The following GPHN variants were observed in gnomAD, a reference collection of about 807,000 sequenced individuals.
The protein encoded by GPHN is gephyrin.
A neutral mutation model predicts 95.5 loss-of-function variants in GPHN; 17 were observed. The observed-to-expected ratio is 0.18, with a 90% CI of 0.12 to 0.27. The LOEUF (loss-of-function observed/expected upper bound fraction) is 0.27, where lower values mean the gene tolerates loss of function less well. Ranked by LOEUF, GPHN falls within the 10% of genes least tolerant of loss-of-function variation. The probability of loss-of-function intolerance (pLI) is 1.00; values close to 1 mark genes in which losing one functional copy is unlikely to be tolerated. For missense variants in GPHN, 660 were observed against 978.1 expected, an observed-to-expected ratio of 0.67 and a Z score of 4.34; for synonymous variants, 320 against 322.5, an observed-to-expected ratio of 0.99 and a Z score of 0.08.
At chr14:67,093,543 G>A (rs2077224129) in intron 12 of GPHN, among the ~76,000 whole-genome samples, 1 of 152,070 alleles carries the variant, frequency 6.6e-6, no homozygotes, top group Admixed American at 6.5e-5. Context: ...TGATATGGGA[G>A]TAATACTCAT....
chr14:67,065,239 G>A (rs1008788697), intron 11 of GPHN, among the ~76,000 whole-genome samples: 7 of 152,136 alleles, frequency 4.6e-5, no homozygotes, highest in Admixed American at 6.5e-5. Flanking sequence ...GTGCTTGTGC[G>A]GTTTTGAGTG....
intron 2 of GPHN, among the ~76,000 whole-genome samples, chr14:66,700,009 A>G (rs1187358374): frequency 2.0e-5 from 3 of 152,226 alleles, no homozygotes; most frequent in Admixed American, 2.0e-4. Flanking sequence ...AGACTATAAA[A>G]GGAGAGAGAT....
chr14:66,788,275 C>T (rs988555336), intron 3 of GPHN, among the ~76,000 whole-genome samples: 3 of 152,222 alleles, frequency 2.0e-5, no homozygotes, highest in Non-Finnish European at 2.9e-5. Context: ...CACCACTGCA[C>T]TCCAGTCTGG....
At chr14:67,682,134 C>T in the GPHN span, among the ~76,000 whole-genome samples, 2 of 152,150 alleles carry the variant, frequency 1.3e-5, no homozygotes, top group Non-Finnish European at 2.9e-5. Flanking sequence ...TTAGAAATTA[C>T]CCAGTCTGTG....
chr14:66,554,941 G>T (rs112921618), intron 1 of GPHN, among the ~76,000 whole-genome samples: 70 of 152,228 alleles, frequency 4.6e-4, no homozygotes, highest in African/African-American at 1.4e-3. Context: ...TGAAGTAGAA[G>T]CCTTCATATA....
At chr14:66,923,512 A>G (rs2066326133) in intron 7 of GPHN, among the ~76,000 whole-genome samples, 1 of 152,182 alleles carries the variant, frequency 6.6e-6, no homozygotes, top group African/African-American at 2.4e-5. Flanking sequence ...TTATTAGGAC[A>G]ATATCAAAGT....
chr14:67,695,121 C>G, the GPHN span, among the ~76,000 whole-genome samples: 2 of 152,190 alleles, frequency 1.3e-5, no homozygotes, highest in Non-Finnish European at 1.5e-5. Context: ...TCACTTTTCT[C>G]CTTTACAACA....
chr14:66,555,381 G>A (rs1289718665), intron 1 of GPHN, among the ~76,000 whole-genome samples: 1 of 152,034 alleles, frequency 6.6e-6, no homozygotes. Flanking sequence ...TGAATATTTT[G>A]CAGATGTCTA....
chr14:67,600,546 C>T, the GPHN span, among the ~76,000 whole-genome samples: 3 of 152,160 alleles, frequency 2.0e-5, no homozygotes, highest in South Asian at 2.1e-4. Context: ...TTGCAGTGAG[C>T]GGAGATCATG....
chr14:66,618,480 A>G lies in GPHN; in HGVS notation c.65-62627A>G, dbSNP rs113532420. On this transcript the variant is annotated intron_variant, in intron 1 of 22. Transcript: ENST00000478722. ...CCATCAGTCTGTGTAGAGATGGTAAAATGTTAATCCAATATTGCATTTGAG... is the reference window on the plus strand; with the variant it reads ...CCATCAGTCTGTGTAGAGATGGTAAGATGTTAATCCAATATTGCATTTGAG... Among the ~76,000 whole-genome samples the G allele has an allele frequency of 3.6e-3, 554 of 152,162 alleles. 11 individuals carry two copies. The highest frequency in any genetic ancestry group is 0.013 in the African/African-American group (528 of 41,510).
At chr14:66,625,893 A>G (rs1226522825) in intron 1 of GPHN, among the ~76,000 whole-genome samples, 1 of 152,182 alleles carries the variant, frequency 6.6e-6, no homozygotes, top group African/African-American at 2.4e-5. Context: ...TTTCTATGTA[A>G]TAGGACAGGC....
At chr14:66,510,946 A>G (rs553162680) in intron 1 of GPHN, among the ~76,000 whole-genome samples, 33 of 152,336 alleles carry the variant, frequency 2.2e-4, no homozygotes, top group Admixed American at 9.8e-4. Context: ...GCCAGGAACA[A>G]GGATGTAGCT....
At chr14:67,381,114 G>A in the GPHN span, among the ~76,000 whole-genome samples, 1 of 152,130 alleles carries the variant, frequency 6.6e-6, no homozygotes. Flanking sequence ...TTTCCACCCA[G>A]TGTATCATAG....
intron 18 of GPHN, among the ~76,000 whole-genome samples, chr14:67,156,452 C>A (rs192406528): frequency 1.9e-3 from 288 of 151,802 alleles, no homozygotes; most frequent in Middle Eastern, 3.4e-3. Context: ...TTTTAAAAAC[C>A]CAGTTATGAG....
intron 1 of GPHN, among the ~76,000 whole-genome samples, chr14:66,532,615 G>A (rs746479203): frequency 7.2e-5 from 11 of 152,212 alleles, no homozygotes; most frequent in Non-Finnish European, 1.3e-4. Context: ...TTGGTTGCAA[G>A]TGACAACTCA....
the GPHN span, among the ~76,000 whole-genome samples, chr14:67,265,274 G>C: frequency 1.3e-5 from 2 of 152,152 alleles, no homozygotes; most frequent in African/African-American, 4.8e-5. Context: ...AGTAAACCCA[G>C]AGCCTGGGCA....
At chr14:67,500,110 GCTAT>G in the GPHN span, among the ~76,000 whole-genome samples, 2 of 152,112 alleles carry the variant, frequency 1.3e-5, no homozygotes, top group Non-Finnish European at 2.9e-5. Context: ...GATACCTTGA[GCTAT>G]GATCACACCA....
At chr14:67,666,180 CTCCT>C in the GPHN span, among the ~76,000 whole-genome samples, 33 of 152,358 alleles carry the variant, frequency 2.2e-4, no homozygotes, top group African/African-American at 7.9e-4. Flanking sequence ...CCCTTCCTAG[CTCCT>C]TCCTTTCCTA....
At chr14:66,950,037 C>T (rs986568576) in intron 8 of GPHN, among the ~76,000 whole-genome samples, 4 of 142,108 alleles carry the variant, frequency 2.8e-5, no homozygotes, top group Non-Finnish European at 4.6e-5. Context: ...AAAGAATCAG[C>T]ACAGTTCCTA....
Sources: gnomAD v4.1 joint callset for allele counts (sites outside exome capture counted in the v4.1 genomes callset) on GRCh38, gnomAD v4.1.1 for gene constraint, MANE v1.5 for transcripts, NCBI Gene and HGNC (gene_info 2026-07-23, HGNC 2026-07-21) for gene names.